CACNA1H: variants seen among roughly 807,000 people sequenced by gnomAD.
The protein encoded by CACNA1H is calcium voltage-gated channel subunit alpha1 H.
Under a neutral mutation model 192.5 loss-of-function variants are expected in CACNA1H, and 149 were observed. The ratio of observed to expected loss-of-function variants is 0.77; its 90% CI spans 0.68 to 0.89. The LOEUF is 0.89. CACNA1H is among the 40% of genes least tolerant of loss of function. The probability of loss-of-function intolerance (pLI) is 0.00; values close to 1 mark genes in which losing one functional copy is unlikely to be tolerated. For synonymous variants in CACNA1H, 2,202 were observed against 1,475.2 expected (o/e 1.49, Z -11.29); for missense variants, 4,257 against 3,423.5 (o/e 1.24, Z -6.08).
chr16:1,156,995 C>T (rs1476275867), intron 2 of CACNA1H: 2 of 152,250 alleles, frequency 1.3e-5, no homozygotes, highest in African/African-American at 4.8e-5. Context: ...GCTGCTTCTC[C>T]TCCACAGGTT....
chr16:1,182,468 C>T (rs1260642284), intron 2 of CACNA1H, among the ~76,000 whole-genome samples: 6 of 152,150 alleles, frequency 3.9e-5, no homozygotes, highest in South Asian at 2.1e-4. Context: ...ACGGGCAGCC[C>T]AGCCCCCGTG....
intron 2 of CACNA1H, among the ~76,000 whole-genome samples, chr16:1,165,467 G>T (rs147523372): frequency 6.6e-6 from 1 of 152,188 alleles, no homozygotes; most frequent in Non-Finnish European, 1.5e-5. Context: ...TCAGGGAGCC[G>T]CGTGGGCCGA....
intron 2 of CACNA1H, among the ~76,000 whole-genome samples, chr16:1,174,643 G>GT (rs1312312112): frequency 1.3e-5 from 2 of 152,210 alleles, no homozygotes; most frequent in Non-Finnish European, 2.9e-5. Flanking sequence ...GCAGAACAGC[G>GT]TGTGTCCAGC....
At chr16:1,216,090 C>T (rs887380348) in intron 30 of CACNA1H, among the ~76,000 whole-genome samples, 5 of 152,180 alleles carry the variant, frequency 3.3e-5, no homozygotes, top group African/African-American at 1.2e-4. Context: ...TCCACCTATC[C>T]AACCCCCGTG....
intron 11 of CACNA1H, among the ~76,000 whole-genome samples, 185 bp downstream of exon 11, chr16:1,205,450 C>T (rs1044144099): frequency 2.0e-5 from 3 of 152,214 alleles, no homozygotes; most frequent in African/African-American, 7.2e-5. Context: ...GCAGAGTCCC[C>T]TCCCCAGACG....
At chr16:1,163,194 C>T (rs990958877) in intron 2 of CACNA1H, among the ~76,000 whole-genome samples, 3 of 152,244 alleles carry the variant, frequency 2.0e-5, no homozygotes, top group Non-Finnish European at 2.9e-5. Context: ...TCCCCCAGCT[C>T]GGCCATGGAC....
At chr16:1,207,157 G>A (rs1425954324) in intron 13 of CACNA1H, 39 bp downstream of exon 13, 1 of 1,555,104 alleles carries the variant, frequency 6.4e-7, no homozygotes. Context: ...TGGGTGCTGA[G>A]TGTGGTCCCC....
At chr16:1,191,002 C>T (rs957994844) in intron 2 of CACNA1H, among the ~76,000 whole-genome samples, 2 of 147,748 alleles carry the variant, frequency 1.4e-5, no homozygotes, top group East Asian at 2.1e-4. Flanking sequence ...GCAGGCTGCC[C>T]TGGCTGTGTG....
At chr16:1,159,277 A>G (rs1311176558) in intron 2 of CACNA1H, among the ~76,000 whole-genome samples, 1 of 151,560 alleles carries the variant, frequency 6.6e-6, no homozygotes, top group Non-Finnish European at 1.5e-5. Flanking sequence ...TGGGCCCGAC[A>G]GGGGCAGAGT....
rs552691524 is a variant in CACNA1H, at chr16:1,218,513, C to T, written c.5749C>T (p.Arg1917Cys). 3.9e-4 allele frequency: 607 copies of T among 1,553,832 alleles called. 3 individuals carry two copies. The South Asian group carries it at 6.7e-3, about 17-fold the overall frequency. The change falls in exon 33 of 35, where the codon CGC (arginine) becomes TGC (cysteine). Residue 1917 changes from arginine (R) to cysteine (C), a missense_variant. Coordinates refer to ENST00000348261, the MANE Select transcript of CACNA1H (RefSeq NM_021098.3). ...GARDAPNLVA[R>C]KVSVSRMLSL... ...CAGGGACGCCCCAAACCTGGTTGCA[C>T]GCAAGGTGTCCGTGTCCAGGATGCT...
At chr16:1,197,023 A>G (rs577163692) in intron 5 of CACNA1H, among the ~76,000 whole-genome samples, 50 of 152,198 alleles carry the variant, frequency 3.3e-4, no homozygotes, top group African/African-American at 1.1e-3. Context: ...CTTGACCTGC[A>G]GCAACCCCCC....
intron 2 of CACNA1H, 55 bp from the exon 3 acceptor site, chr16:1,194,917 C>A: frequency 7.6e-7 from 1 of 1,322,458 alleles, no homozygotes; most frequent in African/African-American, 1.4e-5. Context: ...TTTGGAGGGC[C>A]CCATGGGAGC....
Position 1,204,296 on chromosome 16 carries a change from A to C in CACNA1H, c.2289A>C (p.Ala763=), listed in dbSNP as rs756583472. 129 of 1,603,868 alleles carry C rather than the reference A, an allele frequency of 8.0e-5. No individual in the cohort carries two copies. Among genetic ancestry groups the C allele is most frequent in the East Asian group, 2.3e-5 (1 of 44,410 alleles). Residue 763 remains alanine, a synonymous_variant, in exon 10 of 35, where the codon GCA becomes GCC. Coordinates refer to ENST00000348261, the MANE Select transcript of CACNA1H (RefSeq NM_021098.3). The stretch of plus-strand genomic sequence containing the variant: ...GCCCAGGCAGCCCCCAGCGGCGGGC[A>C]CAGCAGAGGGCAGCCCCGGGCGAGC... ...GPGPGSPQRR[A]QQRAAPGEPG...
Position 1,206,381 on chromosome 16 carries a change from C to T in CACNA1H, c.2789+92C>T, listed in dbSNP as rs527410064. 5.3e-5 allele frequency: 65 copies of T among 1,226,164 alleles called. No individual in the cohort carries two copies. The African/African-American group carries it at 5.7e-4, about 11-fold the overall frequency. The allele number at this position is 1,226,164 out of a possible 1,614,324, so 76.0% of individuals were successfully genotyped here. A position where few individuals can be genotyped will look rare whatever the true frequency, so the allele number is the denominator to read the frequency against. On this transcript the variant is annotated intron_variant, in intron 12 of 34. Transcript: ENST00000348261. The stretch of plus-strand genomic sequence containing the variant: ...AGGGCACCCCCCGAAGGAGAAGGAG[C>T]CCTCCCACCAGCAGCCCCAGAGCAT...
chr16:1,201,339 G>T (rs908816551), intron 8 of CACNA1H, among the ~76,000 whole-genome samples: 1 of 152,172 alleles, frequency 6.6e-6, no homozygotes, highest in African/African-American at 2.4e-5. Flanking sequence ...CACCTGGGGT[G>T]CTGGGGAGGG....
Position 1,220,900 on chromosome 16 carries a change from G to T in CACNA1H, c.6968G>T (p.Gly2323Val). ...PVGDPPEKRR[G>V]LYLTVPQCPL... Reference sequence around the variant, plus strand: ...GGTGACCCCCCAGAGAAGAGGCGGGGGCTGTACCTCACAGTCCCCCAGTGT... The same window carrying T: ...GGTGACCCCCCAGAGAAGAGGCGGGTGCTGTACCTCACAGTCCCCCAGTGT... Residue 2323 changes from glycine to valine, a missense_variant, in exon 35 of 35, where the codon GGG becomes GTG. Transcript: ENST00000348261. The T allele has an allele frequency of 2.5e-6, 4 of 1,612,310 alleles. No individual in the cohort carries two copies. The highest frequency in any genetic ancestry group is 3.3e-5 in the Admixed American group (2 of 60,010).
Position 1,204,021 on chromosome 16 carries a change from G to GC in CACNA1H, c.2018dup (p.Gly674TrpfsTer23). 1 of 1,553,502 alleles carries GC rather than the reference G, an allele frequency of 6.4e-7. No homozygotes were observed. Among genetic ancestry groups the GC allele is most frequent in the Non-Finnish European group, 8.7e-7 (1 of 1,149,864 alleles). ...GCCCTCTCCCGCAGGACTGGGCCAG[G>GC]CCCCTGGCCATCTGTCGGGCCTCAG... On this transcript the variant is annotated frameshift_variant, in exon 10 of 35. Coordinates refer to ENST00000348261, the MANE Select transcript of CACNA1H (RefSeq NM_021098.3). LOFTEE classifies it high-confidence loss of function.
At position 1,209,301 on chromosome 16, in the gene CACNA1H, T is replaced by C. The variant is rs966821289; in HGVS notation, c.3633T>C (p.Pro1211=). Residue 1211 remains proline (P), a synonymous_variant, in exon 17 of 35, where the codon CCT becomes CCC. Coordinates refer to ENST00000348261, the MANE Select transcript of CACNA1H (RefSeq NM_021098.3). ...CCCTGCGGCCGGCCGCCCTCCCGCC[T>C]ACCAAGTGCCGCGATCGCGACGGGC... ...PRPLRPAALP[P]TKCRDRDGQV... The C allele has an allele frequency of 3.1e-6, 5 of 1,593,612 alleles. No individual in the cohort carries two copies. The Admixed American group carries it at 8.4e-5, about 27-fold the overall frequency.
intron 8 of CACNA1H, among the ~76,000 whole-genome samples, chr16:1,201,226 T>G (rs919594588): frequency 4.6e-5 from 7 of 152,050 alleles, no homozygotes; most frequent in African/African-American, 1.7e-4. Context: ...GGGGACCTAG[T>G]AGGTAACAGA....
Sources: allele counts gnomAD v4.1 joint callset (sites outside exome capture counted in the v4.1 genomes callset), GRCh38; gene constraint gnomAD v4.1.1; transcripts MANE v1.5; gene names NCBI Gene and HGNC (gene_info 2026-07-23, HGNC 2026-07-21).